Variants in LRP1B observed in about 807,000 individuals in gnomAD.
The protein encoded by LRP1B is low-density lipoprotein receptor-related protein 1B.
In LRP1B, 217 loss-of-function variants were observed where a neutral mutation model predicts 556.6. The observed-to-expected ratio is 0.39, with a 90% CI of 0.35 to 0.44. LRP1B has a LOEUF of 0.44. Ranked by LOEUF, LRP1B falls within the 20% of genes least tolerant of loss-of-function variation. LRP1B has a pLI of 1.00. For synonymous variants in LRP1B, 2,047 were observed against 1,865.8 expected, an observed-to-expected ratio of 1.10 and a Z score of -2.50; for missense variants, 5,053 against 5,620.8, an observed-to-expected ratio of 0.90 and a Z score of 3.23.
chr2:141,392,802 C>A (rs189090991), intron 3 of LRP1B, among the ~76,000 whole-genome samples: 2 of 152,120 alleles, frequency 1.3e-5, no homozygotes, highest in Non-Finnish European at 2.9e-5. Context: ...TTCAATCTGT[C>A]GAGTCATGTA....
chr2:140,646,157 C>T (rs1684475896), intron 41 of LRP1B, among the ~76,000 whole-genome samples: 1 of 152,102 alleles, frequency 6.6e-6, no homozygotes, highest in Non-Finnish European at 1.5e-5. Context: ...ATGTCAGCTC[C>T]ACTGATTTTG....
chr2:142,059,726 T>C (rs546217349), intron 1 of LRP1B, among the ~76,000 whole-genome samples: 11 of 152,106 alleles, frequency 7.2e-5, no homozygotes, highest in Non-Finnish European at 4.4e-5. Flanking sequence ...GCCTTATTTT[T>C]ATTTCTGAGA....
intron 11 of LRP1B, among the ~76,000 whole-genome samples, chr2:141,020,438 G>A (rs780706788): frequency 1.3e-5 from 2 of 152,100 alleles, no homozygotes; most frequent in South Asian, 4.1e-4. Context: ...TGATAGGAGC[G>A]AAAAAGCTTG....
chr2:140,581,003 G>A (rs1350514796), intron 43 of LRP1B, among the ~76,000 whole-genome samples: 1 of 152,174 alleles, frequency 6.6e-6, no homozygotes, highest in African/African-American at 2.4e-5. Context: ...ATCTATTGCA[G>A]CAATAAATCA....
chr2:140,519,060 C>T (rs1232089006), intron 49 of LRP1B, among the ~76,000 whole-genome samples: 1 of 152,082 alleles, frequency 6.6e-6, no homozygotes, highest in Non-Finnish European at 1.5e-5. Context: ...GACGCAATGC[C>T]ATCCCCATCA....
intron 11 of LRP1B, among the ~76,000 whole-genome samples, chr2:141,041,231 G>A (rs1574010527): frequency 6.6e-6 from 1 of 152,070 alleles, no homozygotes; most frequent in East Asian, 1.9e-4. Flanking sequence ...TAGCAAGGGG[G>A]TAGGAGCACA....
At chr2:141,893,390 G>A (rs113104164) in intron 1 of LRP1B, among the ~76,000 whole-genome samples, 1,526 of 152,154 alleles carry the variant, frequency 0.01, 25 homozygotes, top group African/African-American at 0.035. Flanking sequence ...TAGTAGAGCC[G>A]GAGTTTTACC....
At chr2:141,244,408 T>A (rs1387182604) in intron 5 of LRP1B, among the ~76,000 whole-genome samples, 3 of 152,152 alleles carry the variant, frequency 2.0e-5, no homozygotes, top group Non-Finnish European at 4.4e-5. Flanking sequence ...CTCTGGCTTG[T>A]CGTGGAGGGA....
Position 140,812,588 on chromosome 2 carries a change from AT to A in LRP1B, c.5359+1068del, listed in dbSNP as rs1284074565. Among the ~76,000 whole-genome samples the A allele has an allele frequency of 2.6e-5, 4 of 152,066 alleles. No individual in the cohort carries two copies. The South Asian group carries it at 6.2e-4, about 24-fold the overall frequency. ...CTCATGAAAATTCATTACCAAAAAA[AT>A]AATAAAACAACAACAACATCAAAAA... On this transcript the variant is annotated intron_variant, in intron 32 of 90. Coordinates refer to ENST00000389484, the MANE Select transcript of LRP1B (RefSeq NM_018557.3).
chr2:141,875,110 C>T, intron 1 of LRP1B, among the ~76,000 whole-genome samples: 1 of 151,280 alleles, frequency 6.6e-6, no homozygotes, highest in Non-Finnish European at 1.5e-5. Context: ...ATATATTATA[C>T]ACAGTGTAAT....
At chr2:142,031,898 G>A (rs1189026374) in intron 1 of LRP1B, among the ~76,000 whole-genome samples, 2 of 151,798 alleles carry the variant, frequency 1.3e-5, no homozygotes, top group African/African-American at 4.8e-5. Context: ...AAAAGAATGT[G>A]AGGAAAAGAA....
intron 3 of LRP1B, among the ~76,000 whole-genome samples, chr2:141,332,724 T>A (rs60325005): frequency 0.48 from 66,266 of 138,744 alleles, 16,378 homozygotes; most frequent in Non-Finnish European, 0.57. Flanking sequence ...CCTTATTTTT[T>A]TATATATATA....
At chr2:141,986,905 G>A (rs10496909) in intron 1 of LRP1B, among the ~76,000 whole-genome samples, 29,239 of 151,796 alleles carry the variant, frequency 0.19, 3,174 homozygotes, top group South Asian at 0.27. Context: ...TAAAGTTGCC[G>A]TTACAGCATG....
At chr2:140,326,288 A>G (rs1271518839) in intron 79 of LRP1B, among the ~76,000 whole-genome samples, 1 of 151,348 alleles carries the variant, frequency 6.6e-6, no homozygotes, top group Non-Finnish European at 1.5e-5. Flanking sequence ...ATGAATTAGT[A>G]TATGTATTTT....
intron 2 of LRP1B, among the ~76,000 whole-genome samples, chr2:141,720,768 C>T (rs1692781875): frequency 1.3e-5 from 2 of 151,996 alleles, no homozygotes; most frequent in African/African-American, 4.8e-5. Context: ...CTAAATGAGT[C>T]AACTTTTATC....
intron 18 of LRP1B, among the ~76,000 whole-genome samples, chr2:140,974,935 GT>G (rs777703123): frequency 6.6e-6 from 1 of 152,160 alleles, no homozygotes; most frequent in Non-Finnish European, 1.5e-5. Context: ...CTGATGAGAT[GT>G]TTTTTCTGCA....
At chr2:140,910,065 A>C (rs1254527547) in intron 21 of LRP1B, among the ~76,000 whole-genome samples, 2 of 148,030 alleles carry the variant, frequency 1.4e-5, no homozygotes, top group Non-Finnish European at 3.0e-5. Flanking sequence ...AAGTTAAAAA[A>C]TAAAACCAGA....
At chr2:140,728,978 G>A (rs950358110) in intron 35 of LRP1B, among the ~76,000 whole-genome samples, 41 of 151,922 alleles carry the variant, frequency 2.7e-4, no homozygotes, top group Admixed American at 2.7e-3. Context: ...AAAATATAAA[G>A]TATATAACAA....
intron 41 of LRP1B, among the ~76,000 whole-genome samples, chr2:140,603,023 C>T (rs971592208): frequency 1.3e-5 from 2 of 151,956 alleles, no homozygotes; most frequent in Admixed American, 6.6e-5. Flanking sequence ...AGTAGCACCA[C>T]TATTTGGATA....
Sources: allele counts gnomAD v4.1 joint callset (sites outside exome capture counted in the v4.1 genomes callset), GRCh38; gene constraint gnomAD v4.1.1; transcripts MANE v1.5; gene names NCBI Gene and HGNC (gene_info 2026-07-23, HGNC 2026-07-21).